INPP4B: variants seen among roughly 807,000 people sequenced by gnomAD.
INPP4B encodes inositol polyphosphate-4-phosphatase type II B.
INPP4B carries 55 observed loss-of-function variants against 122.5 expected under a neutral mutation model. The ratio of observed to expected loss-of-function variants is 0.45; its 90% confidence interval spans 0.36 to 0.56. The LOEUF (loss-of-function observed/expected upper bound fraction) is 0.56. Among genes scored for constraint, INPP4B ranks in the 20% least tolerant of loss-of-function variants. The pLI is 0.00. For synonymous variants in INPP4B, 403 were observed against 388.7 expected, an observed-to-expected ratio of 1.04 and a Z score of -0.43; for missense variants, 1,000 against 1,097.7, an observed-to-expected ratio of 0.91 and a Z score of 1.26.
chr4:142,505,936 G>A (rs997462104), intron 2 of INPP4B, among the ~76,000 whole-genome samples: 3 of 152,160 alleles, frequency 2.0e-5, no homozygotes, highest in African/African-American at 7.2e-5. Flanking sequence ...TATTAGTGAA[G>A]AGGTTGAGGC....
intron 9 of INPP4B, among the ~76,000 whole-genome samples, chr4:142,280,661 T>A (rs1307195387): frequency 1.3e-5 from 2 of 151,952 alleles, no homozygotes; most frequent in Non-Finnish European, 2.9e-5. Flanking sequence ...AATTTTACTC[T>A]ATGTTAATGT....
intron 7 of INPP4B, among the ~76,000 whole-genome samples, chr4:142,316,211 G>T (rs1767595913): frequency 6.6e-6 from 1 of 152,188 alleles, no homozygotes; most frequent in African/African-American, 2.4e-5. Context: ...TCCCAATGGA[G>T]TAAACACAAT....
chr4:142,635,581 T>C (rs748727266), intron 2 of INPP4B, among the ~76,000 whole-genome samples: 15 of 152,202 alleles, frequency 9.9e-5, no homozygotes, highest in Non-Finnish European at 1.9e-4. Flanking sequence ...CTAGAGGCTA[T>C]TATTTTTAGC....
At chr4:142,712,683 A>G (rs1763260707) in intron 2 of INPP4B, among the ~76,000 whole-genome samples, 1 of 152,226 alleles carries the variant, frequency 6.6e-6, no homozygotes, top group Non-Finnish European at 1.5e-5. Context: ...CATTTTAAAG[A>G]CATATTTGTT....
chr4:142,320,073 C>G (rs546724542), intron 7 of INPP4B, among the ~76,000 whole-genome samples: 1 of 152,278 alleles, frequency 6.6e-6, no homozygotes, highest in East Asian at 1.9e-4. Flanking sequence ...GAACTGTGGT[C>G]TTCATTTTCT....
intron 7 of INPP4B, among the ~76,000 whole-genome samples, chr4:142,316,869 C>T (rs1262460437): frequency 6.6e-6 from 1 of 152,146 alleles, no homozygotes; most frequent in Admixed American, 6.5e-5. Flanking sequence ...ATATACCCTC[C>T]ATTGCAGTGA....
At chr4:142,642,515 T>G (rs1750740755) in intron 2 of INPP4B, among the ~76,000 whole-genome samples, 1 of 152,218 alleles carries the variant, frequency 6.6e-6, no homozygotes, top group African/African-American at 2.4e-5. Flanking sequence ...CACCATTTAT[T>G]AAATAGGGAA....
At chr4:142,040,085 A>G (rs1746407680) in intron 25 of INPP4B, among the ~76,000 whole-genome samples, 1 of 151,972 alleles carries the variant, frequency 6.6e-6, no homozygotes. Context: ...AGAGAGAAAG[A>G]GAAACAGAAA....
chr4:142,665,546 C>T (rs1755894946), intron 2 of INPP4B, among the ~76,000 whole-genome samples: 1 of 150,054 alleles, frequency 6.7e-6, no homozygotes, highest in East Asian at 2.0e-4. Context: ...AAACTTATTC[C>T]AAAGAAATAA....
chr4:142,138,498 C>G (rs540204695), intron 18 of INPP4B, among the ~76,000 whole-genome samples: 251 of 151,616 alleles, frequency 1.7e-3, no homozygotes, highest in Non-Finnish European at 2.6e-3. Context: ...TAACTAACCT[C>G]CACGTTGTGC....
At chr4:142,570,688 G>GT (rs1220552495) in intron 2 of INPP4B, among the ~76,000 whole-genome samples, 2 of 151,708 alleles carry the variant, frequency 1.3e-5, no homozygotes, top group East Asian at 1.9e-4. Flanking sequence ...CATTTTAACT[G>GT]TTTTTTTCAA....
Position 142,154,816 on chromosome 4 carries a change from G to A in INPP4B, c.1563+5542C>T, listed in dbSNP as rs374122970. 5.3e-5 allele frequency among the ~76,000 whole-genome samples: 8 copies of A among 152,112 alleles called. No homozygotes were observed. The South Asian group carries it at 6.2e-4, about 12-fold the overall frequency. Reference sequence around the variant, plus strand: ...TATAAATGTGTATTGAGTACCTTTCGTGTTCACATGCTCCACTAACTGTGT... The same window carrying A: ...TATAAATGTGTATTGAGTACCTTTCATGTTCACATGCTCCACTAACTGTGT... On this transcript the variant is annotated intron_variant, in intron 17 of 25. Coordinates refer to ENST00000262992, the MANE Select transcript of INPP4B (RefSeq NM_001101669.3).
At chr4:142,324,706 G>T (rs1771677474) in intron 7 of INPP4B, among the ~76,000 whole-genome samples, 1 of 152,042 alleles carries the variant, frequency 6.6e-6, no homozygotes, top group South Asian at 2.1e-4. Flanking sequence ...ACTCCCCCTA[G>T]GGCATCTCTT....
chr4:142,795,390 T>C (rs191993708), intron 1 of INPP4B: 129 of 152,124 alleles, frequency 8.5e-4, no homozygotes, highest in African/African-American at 3.0e-3. Context: ...TTTCTTAACC[T>C]GAGTGGTGGG....
intron 3 of INPP4B, among the ~76,000 whole-genome samples, chr4:142,461,907 C>T (rs1379063447): frequency 6.6e-6 from 1 of 151,978 alleles, no homozygotes; most frequent in South Asian, 2.1e-4. Flanking sequence ...TGACATCACA[C>T]AGAAATGCAA....
chr4:142,820,057 T>C (rs1780611219), intron 1 of INPP4B, among the ~76,000 whole-genome samples: 1 of 152,094 alleles, frequency 6.6e-6, no homozygotes, highest in Non-Finnish European at 1.5e-5. Context: ...CAGGCTCTGC[T>C]CCTGAAAGTC....
intron 1 of INPP4B, among the ~76,000 whole-genome samples, chr4:142,732,556 A>G (rs934113316): frequency 3.9e-5 from 6 of 152,104 alleles, no homozygotes; most frequent in African/African-American, 1.4e-4. Flanking sequence ...TAATGAACAA[A>G]TAAAAAATAA....
At chr4:142,622,702 C>T (rs1283602808) in intron 2 of INPP4B, among the ~76,000 whole-genome samples, 1 of 151,878 alleles carries the variant, frequency 6.6e-6, no homozygotes, top group African/African-American at 2.4e-5. Context: ...ATTGGCACAA[C>T]CAATCATGGT....
At chr4:142,759,822 T>A (rs865917650) in intron 1 of INPP4B, among the ~76,000 whole-genome samples, 1 of 102,532 alleles carries the variant, frequency 9.8e-6, no homozygotes. Flanking sequence ...ATAGAGCTTT[T>A]TCTAAAAAAA....
Sources: allele counts gnomAD v4.1 joint callset (sites outside exome capture counted in the v4.1 genomes callset), GRCh38; gene constraint gnomAD v4.1.1; transcripts MANE v1.5; gene names NCBI Gene and HGNC (gene_info 2026-07-23, HGNC 2026-07-21).